Variants in GORAB observed in about 807,000 individuals in gnomAD.
GORAB encodes the protein golgin, RAB6 interacting, also known as RAB6-interacting golgin.
Under a neutral mutation model 29.9 loss-of-function variants are expected in GORAB, and 17 were observed. The ratio of observed to expected loss-of-function variants is 0.57; its 90% CI spans 0.39 to 0.85. The LOEUF (loss-of-function observed/expected upper bound fraction) is 0.85, where lower values mean the gene tolerates loss of function less well. Among genes scored for constraint, GORAB ranks in the 40% least tolerant of loss-of-function variants. GORAB has a pLI of 0.00. For synonymous variants in GORAB, 183 were observed against 157.2 expected (o/e 1.16, Z -1.23); for missense variants, 442 against 437.8 (o/e 1.01, Z -0.09).
chr1:170,546,758 C>T (rs1023263808), intron 4 of GORAB, among the ~76,000 whole-genome samples: 1 of 152,084 alleles, frequency 6.6e-6, no homozygotes, highest in Middle Eastern at 3.2e-3. Flanking sequence ...GATTTTGGCT[C>T]ACTGCAACCT....
At chr1:170,535,085 T>C (rs1388071370) in intron 1 of GORAB, among the ~76,000 whole-genome samples, 1 of 152,186 alleles carries the variant, frequency 6.6e-6, no homozygotes, top group Non-Finnish European at 1.5e-5. Context: ...GAGTTTACCA[T>C]AGTAGGAAGA....
rs1484203350 is a variant in GORAB, at chr1:170,552,105, C to G, written c.753C>G (p.His251Gln). The change falls in exon 5 of 5, where the codon CAC becomes CAG. Residue 251 changes from histidine to glutamine, a missense_variant. Physicochemically the swap from His to Gln is conservative, Grantham distance 24. Coordinates refer to ENST00000367763, the MANE Select transcript of GORAB (RefSeq NM_152281.3). ...KTEIKEQLTE[H>Q]LCTIIQQNEL... ...AGATAAAAGAGCAACTCACTGAACA[C>G]CTTTGTACGATCATACAGCAAAATG... 6.2e-7 allele frequency: 1 copy of G among 1,614,038 alleles called. No individual in the cohort carries two copies. The highest frequency in any genetic ancestry group is 1.1e-5 in the South Asian group (1 of 91,076).
chr1:170,533,142 A>G (rs1168298442), intron 1 of GORAB, among the ~76,000 whole-genome samples: 1 of 152,242 alleles, frequency 6.6e-6, no homozygotes, highest in African/African-American at 2.4e-5. Context: ...CCTTAATTCA[A>G]ATACTTTATT....
intron 2 of GORAB, among the ~76,000 whole-genome samples, chr1:170,540,569 TA>T (rs1649352586): frequency 6.6e-6 from 1 of 152,170 alleles, no homozygotes; most frequent in South Asian, 2.1e-4. Flanking sequence ...ACAAGAGTTA[TA>T]AAACCACATG....
chr1:170,545,656 C>G (rs755118721), intron 4 of GORAB: 2 of 984,728 alleles, frequency 2.0e-6, no homozygotes, highest in Non-Finnish European at 2.4e-6. Context: ...CTATCTTACT[C>G]TGTTACACTA....
At chr1:170,541,220 A>AG (rs1326852800) in intron 2 of GORAB, among the ~76,000 whole-genome samples, 1 of 150,992 alleles carries the variant, frequency 6.6e-6, no homozygotes, top group Admixed American at 6.6e-5. Context: ...AAAAAAAAAA[A>AG]AAAAAAGCAG....
In GORAB at chr1:170,552,287, A is replaced by G; in HGVS notation, c.935A>G (p.Gln312Arg). Residue 312 changes from glutamine to arginine, a missense_variant, in exon 5 of 5, where the codon CAG becomes CGG. Coordinates refer to ENST00000367763, the MANE Select transcript of GORAB (RefSeq NM_152281.3). The part of the protein sequence containing the change: ...RPVVRLERPF[Q>R]PAEESVTLEF... ...GTGGTTCGTTTAGAGAGGCCATTTC[A>G]GCCTGCGGAGGAGAGTGTGACATTA... is the stretch of plus-strand genomic sequence containing the variant. 3.1e-6 allele frequency: 5 copies of G among 1,614,164 alleles called. No homozygotes were observed. The highest frequency in any genetic ancestry group is 4.2e-6 in the Non-Finnish European group (5 of 1,179,992).
intron 4 of GORAB, 116 bp from the exon 5 acceptor site, chr1:170,551,899 A>G: frequency 1.2e-6 from 1 of 836,190 alleles, no homozygotes; most frequent in Non-Finnish European, 2.0e-6. Flanking sequence ...TAATATCCGT[A>G]TCTTCATTAT....
chr1:170,542,631 TA>T (rs763910359), intron 3 of GORAB, 39 bp downstream of exon 3: 3 of 1,253,038 alleles, frequency 2.4e-6, no homozygotes, highest in Non-Finnish European at 3.5e-6. Flanking sequence ...TTGTAACCTG[TA>T]ACCAGTTGTG....
At chr1:170,537,894 A>G (rs772721043) in intron 1 of GORAB, among the ~76,000 whole-genome samples, 17 of 152,218 alleles carry the variant, frequency 1.1e-4, no homozygotes, top group Admixed American at 2.0e-4. Context: ...TTTCAGAGGA[A>G]CTATTAATAA....
At chr1:170,535,703 G>A (rs1649018651) in intron 1 of GORAB, among the ~76,000 whole-genome samples, 1 of 151,946 alleles carries the variant, frequency 6.6e-6, no homozygotes, top group Non-Finnish European at 1.5e-5. Context: ...ATTACACCAT[G>A]CTAGTTTTCT....
chr1:170,551,923 A>G (rs1448192933), intron 4 of GORAB, 92 bp from the exon 5 acceptor site: 17 of 1,108,592 alleles, frequency 1.5e-5, no homozygotes, highest in African/African-American at 1.6e-5. Flanking sequence ...TTTTTTCCCA[A>G]TTTTGGAGTT....
chr1:170,541,526 G>A (rs1649424988), intron 2 of GORAB, among the ~76,000 whole-genome samples: 1 of 152,078 alleles, frequency 6.6e-6, no homozygotes, highest in South Asian at 2.1e-4. Context: ...CAGCACTAAG[G>A]TGGAAGGTGT....
At chr1:170,538,091 TATCTC>T (rs1649167112) in intron 1 of GORAB, among the ~76,000 whole-genome samples, 2 of 152,332 alleles carry the variant, frequency 1.3e-5, no homozygotes, top group Admixed American at 6.5e-5. Context: ...TTTCTGTACA[TATCTC>T]ATTTAATTCT....
rs1571250668 is a variant in GORAB at position 170,543,277 on chromosome 1, A to C, written c.521+685A>C. On this transcript the variant is annotated intron_variant, in intron 3 of 4. Coordinates refer to ENST00000367763, the MANE Select transcript of GORAB (RefSeq NM_152281.3). Reference sequence around the variant, plus strand: ...CTTGCTGAGTTTGTAGTTTCTGTCTAATCTCCTGTGGCCTTAGGAAACTAA... The same window carrying C: ...CTTGCTGAGTTTGTAGTTTCTGTCTCATCTCCTGTGGCCTTAGGAAACTAA... 2.0e-5 allele frequency among the ~76,000 whole-genome samples: 3 copies of C among 152,338 alleles called. No homozygotes were observed. The South Asian group carries it at 6.2e-4, about 32-fold the overall frequency.
intron 2 of GORAB, 46 bp downstream of exon 2, chr1:170,539,613 C>CA (rs769002531): frequency 2.5e-6 from 4 of 1,574,174 alleles, no homozygotes; most frequent in South Asian, 2.3e-5. Flanking sequence ...TCATTTAACC[C>CA]GTTTTTTCCC....
chr1:170,548,480 C>A (rs1324887830), intron 4 of GORAB, among the ~76,000 whole-genome samples: 2 of 152,180 alleles, frequency 1.3e-5, no homozygotes, highest in Non-Finnish European at 2.9e-5. Context: ...TTTAGCCTAC[C>A]ACACCATTCA....
chr1:170,535,324 G>T (rs1372496073), intron 1 of GORAB, among the ~76,000 whole-genome samples: 1 of 152,150 alleles, frequency 6.6e-6, no homozygotes, highest in Non-Finnish European at 1.5e-5. Flanking sequence ...GGAAGACTGA[G>T]TGTGTGTGTT....
rs772817185 is a variant in GORAB at position 170,539,315 on chromosome 1, G to A, written c.167G>A (p.Gly56Glu). The A allele has an allele frequency of 5.6e-6, 9 of 1,614,170 alleles. No individual in the cohort carries two copies. The highest frequency in any genetic ancestry group is 7.6e-6 in the Non-Finnish European group (9 of 1,180,024). ...AGCCAAAAACTTGGGCTTCAAGATG[G>A]ATCAACCTCATTACTTCCAGAGCAG... Reference protein sequence around the residue: ...EQSQKLGLQDGSTSLLPEQLL... With the variant: ...EQSQKLGLQDESTSLLPEQLL... Residue 56 changes from glycine (G) to glutamate (E), a missense_variant, in exon 2 of 5, where the codon GGA becomes GAA. Transcript: ENST00000367763.
Sources: allele counts gnomAD v4.1 joint callset (sites outside exome capture counted in the v4.1 genomes callset), GRCh38; gene constraint gnomAD v4.1.1; transcripts MANE v1.5; gene names NCBI Gene and HGNC (gene_info 2026-07-23, HGNC 2026-07-21).